The following ALS2CL variants were observed in gnomAD, a reference collection of about 807,000 sequenced individuals.
ALS2CL encodes the protein ALS2 C-terminal like.
A neutral mutation model predicts 127.9 loss-of-function variants in ALS2CL; 112 were observed. The ratio of observed to expected loss-of-function variants is 0.88; its 90% CI spans 0.75 to 1.02. The LOEUF is 1.02. Ranked by LOEUF, ALS2CL falls within the 50% of genes least tolerant of loss-of-function variation. The pLI, the probability that ALS2CL is intolerant of heterozygous loss-of-function variation, is 0.00. For synonymous variants in ALS2CL, 519 were observed against 527.6 expected, an observed-to-expected ratio of 0.98 and a Z score of 0.22; for missense variants, 1,174 against 1,236.7, an observed-to-expected ratio of 0.95 and a Z score of 0.76.
intron 22 of ALS2CL, 33 bp downstream of exon 22, chr3:46,673,306 G>T (rs927445669): frequency 4.5e-6 from 7 of 1,552,044 alleles, no homozygotes; most frequent in Non-Finnish European, 6.1e-6. Context: ...ACCTCTGGGG[G>T]CCCCTGGCTT....
chr3:46,679,605 C>T (rs936349739), intron 14 of ALS2CL: 9 of 193,890 alleles, frequency 4.6e-5, no homozygotes, highest in African/African-American at 1.9e-4. Flanking sequence ...CCCTGCTTCC[C>T]TGCTTGTCAC....
rs1399556979 is a variant in ALS2CL at position 46,681,522 on chromosome 3, T to C, written c.1252A>G (p.Met418Val). Reference sequence around the variant, plus strand: ...TACTCACAGATGCCGTAGCCACACATGCTGCCTTCTCGCCAGTGACACTTG... The same window carrying C: ...TACTCACAGATGCCGTAGCCACACACGCTGCCTTCTCGCCAGTGACACTTG... ...CYKCHWREGSMCGYGICEYST... is the reference protein window; with the variant it reads ...CYKCHWREGSVCGYGICEYST... The change falls in exon 12 of 26, where the codon ATG (methionine) becomes GTG (valine). Residue 418 changes from methionine to valine, a missense_variant. Met to Val is a conservative substitution (Grantham distance 21, BLOSUM62 1). Coordinates refer to ENST00000318962, the MANE Select transcript of ALS2CL (RefSeq NM_147129.5). This position sits in a 1 kb window ranked among gnomAD's most constrained non-coding sequence, Gnocchi z 4.9. 2 of 1,614,134 alleles carry C rather than the reference T, an allele frequency of 1.2e-6. No individual in the cohort carries two copies. The highest frequency in any genetic ancestry group is 1.7e-6 in the Non-Finnish European group (2 of 1,180,002).
At position 46,676,397 on chromosome 3, in the gene ALS2CL, CAG is replaced by C; in HGVS notation, c.2032_2033del (p.Leu678GlufsTer69). 1 of 1,613,856 alleles carries C rather than the reference CAG, an allele frequency of 6.2e-7. No homozygotes were observed. Among genetic ancestry groups the C allele is most frequent in the Non-Finnish European group, 8.5e-7 (1 of 1,179,980 alleles). On this transcript the variant is annotated frameshift_variant, in exon 19 of 26. Coordinates refer to ENST00000318962, the MANE Select transcript of ALS2CL (RefSeq NM_147129.5). LOFTEE classifies it high-confidence loss of function. The part of the protein sequence containing the change: ...KALQLYLRKA[L>X]SNSLHPLGKL... ...TTCCCAGGGGGTGCAGTGAGTTGCT[CAG>C]AGCCTGGGCCAGTGCATAGGCAACA...
At chr3:46,674,083 C>G (rs1037559644) in intron 21 of ALS2CL, among the ~76,000 whole-genome samples, 1 of 152,166 alleles carries the variant, frequency 6.6e-6, no homozygotes, top group African/African-American at 2.4e-5. Flanking sequence ...CTCAGTCTCC[C>G]CTGAGGGACC....
chr3:46,681,171 T>C lies in ALS2CL; in HGVS notation c.1436+75A>G, dbSNP rs747718661. On this transcript the variant is annotated intron_variant, in intron 13 of 25. Coordinates refer to ENST00000318962, the MANE Select transcript of ALS2CL (RefSeq NM_147129.5). This position sits in a 1 kb window ranked among gnomAD's most constrained non-coding sequence, Gnocchi z 4.9. ...ACAGTGGGGGACAAACAGGAGCCTG[T>C]GTCCTGCAACAATCTGGTCTGTGAG... The C allele has an allele frequency of 2.5e-6, 4 of 1,598,598 alleles. No individual in the cohort carries two copies. Among genetic ancestry groups the C allele is most frequent in the South Asian group, 1.1e-5 (1 of 90,738 alleles).
intron 3 of ALS2CL, 134 bp downstream of exon 3, chr3:46,687,964 G>A (rs1559483333): frequency 1.7e-6 from 2 of 1,148,690 alleles, no homozygotes; most frequent in Admixed American, 2.4e-5. Context: ...ACCCAGGTGA[G>A]CACCAACCAT....
chr3:46,683,166 T>C lies in ALS2CL; in HGVS notation c.1073A>G (p.Tyr358Cys), dbSNP rs1472399785. 1.9e-6 allele frequency: 3 copies of C among 1,603,062 alleles called. No homozygotes were observed. Among genetic ancestry groups the C allele is most frequent in the South Asian group, 1.1e-5 (1 of 89,782 alleles). Residue 358 changes from tyrosine to cysteine, a missense_variant, in exon 10 of 26, where the codon TAC (tyrosine) becomes TGC (cysteine). Coordinates refer to ENST00000318962, the MANE Select transcript of ALS2CL (RefSeq NM_147129.5). ...CCGGCCCCTGCACCACTCGCCCTCG[T>C]AGGTGGCCTGGCAGAGCCGGCCCTC... The part of the protein sequence containing the change: ...QAEGRLCQAT[Y>C]EGEWCRGRPH...
At chr3:46,680,915 G>A (rs1230385072) in intron 13 of ALS2CL, 3 of 545,494 alleles carry the variant, frequency 5.5e-6, no homozygotes, top group African/African-American at 1.9e-5. Flanking sequence ...AAGCAGGCGA[G>A]GCTGTGATTG....
chr3:46,681,143 G>A lies in ALS2CL; in HGVS notation c.1436+103C>T, dbSNP rs867545404. 13 of 1,549,226 alleles carry A rather than the reference G, an allele frequency of 8.4e-6. No homozygotes were observed. In the Middle Eastern group the frequency reaches 1.9e-3, roughly 221 times the overall value. The stretch of plus-strand genomic sequence containing the variant: ...GAGGGGAAGTGAGGGGCTTAAGAGA[G>A]ACACAGTGGGGGACAAACAGGAGCC... On this transcript the variant is annotated intron_variant, in intron 13 of 25. Coordinates refer to ENST00000318962, the MANE Select transcript of ALS2CL (RefSeq NM_147129.5). The surrounding 1 kb of genome is among the most constrained non-coding windows in gnomAD (Gnocchi z 4.9).
rs546794448 is a variant in ALS2CL, at chr3:46,678,311, C to T, written c.1705G>A (p.Gly569Ser). ...SGAGRGLHTQ[G>S]VLDTAALPPD... ...GGGAGGGCAGCCGTGTCCAGCACAC[C>T]CTGTGTGTGCAGTCCTCTCCCTGCC... Residue 569 changes from glycine to serine, a missense_variant, in exon 16 of 26, where the codon GGT becomes AGT. Transcript: ENST00000318962. 57 of 1,611,652 alleles carry T rather than the reference C, an allele frequency of 3.5e-5. No homozygotes were observed. The South Asian group carries it at 5.7e-4, about 16-fold the overall frequency.
In ALS2CL at chr3:46,676,966, G is replaced by A. The variant is rs1201360345; in HGVS notation, c.1814C>T (p.Pro605Leu). The A allele has an allele frequency of 1.9e-6, 3 of 1,613,422 alleles. No individual in the cohort carries two copies. The highest frequency in any genetic ancestry group is 2.2e-5 in the South Asian group (2 of 91,054). ...VESRWQGVYS[P>L]FRDFVCAGCP... ...GCCAGCACACACAAAGTCCCGGAAGGGGCTGTAGACTCCCTGCCAGCGGCT... is the reference window on the plus strand; with the variant it reads ...GCCAGCACACACAAAGTCCCGGAAGAGGCTGTAGACTCCCTGCCAGCGGCT... The change falls in exon 17 of 26, where the codon CCC becomes CTC. Residue 605 changes from proline (P) to leucine (L), a missense_variant. By Grantham distance (98) the Pro-to-Leu change is moderately conservative. Coordinates refer to ENST00000318962, the MANE Select transcript of ALS2CL (RefSeq NM_147129.5).
At position 46,675,666 on chromosome 3, in the gene ALS2CL, A is replaced by C. The variant is rs768607833; in HGVS notation, c.2207T>G (p.Leu736Ter). 37 of 1,613,702 alleles carry C rather than the reference A, an allele frequency of 2.3e-5. No homozygotes were observed. The Middle Eastern group carries it at 4.9e-4, about 22-fold the overall frequency. The part of the protein sequence containing the change: ...AAYRGLLRVA[L>*]ERKGQALEED... ...CTCCAGGGCCTGGCCCTTGCGCTCT[A>C]AGGCAACTCGCAGCAGACCCCTGTG... Residue 736 changes from leucine (L) to a stop codon, truncating the protein, a stop_gained, in exon 20 of 26, where the codon TTA (leucine) becomes TGA (stop). Coordinates refer to ENST00000318962, the MANE Select transcript of ALS2CL (RefSeq NM_147129.5). LOFTEE classifies it high-confidence loss of function.
At chr3:46,672,064 GC>G in intron 23 of ALS2CL, 31 bp from the exon 24 acceptor site, 1 of 1,614,032 alleles carries the variant, frequency 6.2e-7, no homozygotes, top group Non-Finnish European at 8.5e-7. Flanking sequence ...CCAGGTCAAG[GC>G]CCTTGGTTCA....
At chr3:46,690,776 A>G (rs940909372) in intron 1 of ALS2CL, among the ~76,000 whole-genome samples, 3 of 152,194 alleles carry the variant, frequency 2.0e-5, no homozygotes, top group Non-Finnish European at 4.4e-5. Context: ...GGCAGGTGAC[A>G]CAGGCAGACC....
At position 46,676,845 on chromosome 3, in the gene ALS2CL, T is replaced by A; in HGVS notation, c.1931+4A>T. ...CCTGTGCATGCTCACACAGCCGGCC[T>A]CACCTCTCGCAGGACAGGTAATCCT... On this transcript the variant is annotated splice_donor_region_variant and intron_variant, in intron 17 of 25. Transcript: ENST00000318962. The A allele has an allele frequency of 6.9e-7, 1 of 1,442,808 alleles. No homozygotes were observed. Among genetic ancestry groups the A allele is most frequent in the South Asian group, 1.1e-5 (1 of 88,542 alleles). The allele number at this position is 1,442,808 out of a possible 1,614,324, so 89.4% of individuals were successfully genotyped here.
chr3:46,681,844 G>A lies in ALS2CL; in HGVS notation c.1175+185C>T, dbSNP rs780845698. On this transcript the variant is annotated intron_variant, in intron 11 of 25. Transcript: ENST00000318962. This position sits in a 1 kb window ranked among gnomAD's most constrained non-coding sequence, Gnocchi z 4.9. ...TCCCTCTGTGACCTCGAGCTGAGAC[G>A]GGCCCCCTATTCAGGCCCCCGGTTC... 2.6e-5 allele frequency among the ~76,000 whole-genome samples: 4 copies of A among 152,100 alleles called. No individual in the cohort carries two copies. Among genetic ancestry groups the A allele is most frequent in the Non-Finnish European group, 4.4e-5 (3 of 68,008 alleles).
In ALS2CL at chr3:46,670,956, C is replaced by T. The variant is rs1698333518; in HGVS notation, c.*28G>A. 1.9e-6 allele frequency: 3 copies of T among 1,602,340 alleles called. No individual in the cohort carries two copies. Among genetic ancestry groups the T allele is most frequent in the Middle Eastern group, 1.7e-4 (1 of 6,042 alleles). ...GACAGGCTGGCAGTGCCCTGCTCAGCTCTTCAGTCTGTCCAGGAAAGGCCA... is the reference window on the plus strand; with the variant it reads ...GACAGGCTGGCAGTGCCCTGCTCAGTTCTTCAGTCTGTCCAGGAAAGGCCA... On this transcript the variant is annotated 3_prime_UTR_variant, in exon 26 of 26. Coordinates refer to ENST00000318962, the MANE Select transcript of ALS2CL (RefSeq NM_147129.5). This position sits in a 1 kb window ranked among gnomAD's most constrained non-coding sequence, Gnocchi z 5.5.
chr3:46,686,295 GCCC>G lies in ALS2CL; in HGVS notation c.666+10_666+12del. On this transcript the variant is annotated intron_variant, in intron 6 of 25. Transcript: ENST00000318962. The surrounding 1 kb of genome is among the most constrained non-coding windows in gnomAD (Gnocchi z 4.3). ...AACCCCCTCCCTAACTGCCCCTCAG[GCCC>G]CCAACTCACCCTCAGCCGGCCTCTC... 1 of 1,600,690 alleles carries G rather than the reference GCCC, an allele frequency of 6.2e-7. No individual in the cohort carries two copies. Among genetic ancestry groups the G allele is most frequent in the Non-Finnish European group, 8.5e-7 (1 of 1,173,624 alleles).
At chr3:46,676,596 G>A (rs1169387589) in intron 18 of ALS2CL, 46 bp downstream of exon 18, 3 of 1,597,372 alleles carry the variant, frequency 1.9e-6, no homozygotes, top group East Asian at 4.5e-5. Flanking sequence ...CCCCACCAGG[G>A]ACAGTGACAA....
Sources: gnomAD v4.1 joint callset for allele counts (sites outside exome capture counted in the v4.1 genomes callset) on GRCh38, gnomAD v4.1.1 for gene constraint, Gnocchi (gnomAD v3.1) non-coding constraint, MANE v1.5 for transcripts, NCBI Gene and HGNC (gene_info 2026-07-23, HGNC 2026-07-21) for gene names.